CRISPLD1: variants seen among roughly 807,000 people sequenced by gnomAD.
The protein encoded by CRISPLD1 is cysteine-rich secretory protein LCCL domain-containing 1.
In CRISPLD1, 60 loss-of-function variants were observed where a neutral mutation model predicts 77.5. That is an observed-to-expected ratio of 0.77 (90% CI 0.63 to 0.96). CRISPLD1 has a LOEUF of 0.96. Ranked by LOEUF, CRISPLD1 falls within the 40% of genes least tolerant of loss-of-function variation. The pLI, the probability that CRISPLD1 is intolerant of heterozygous loss-of-function variation, is 0.00. For synonymous variants in CRISPLD1, 195 were observed against 200.1 expected, an observed-to-expected ratio of 0.97 and a Z score of 0.22; for missense variants, 623 against 615.8, an observed-to-expected ratio of 1.01 and a Z score of -0.12.
chr8:75,011,200 G>C (rs1263456264), intron 2 of CRISPLD1, among the ~76,000 whole-genome samples: 1 of 150,088 alleles, frequency 6.7e-6, no homozygotes, highest in Non-Finnish European at 1.5e-5. Flanking sequence ...ATGTATACAT[G>C]TGCCATGCTG....
At chr8:75,006,873 A>G (rs937081037) in intron 2 of CRISPLD1, among the ~76,000 whole-genome samples, 2 of 152,128 alleles carry the variant, frequency 1.3e-5, no homozygotes, top group African/African-American at 4.8e-5. Flanking sequence ...TGAAAGTCTG[A>G]TTACACAAAT....
chr8:74,993,991 C>A (rs1433111345), intron 2 of CRISPLD1, among the ~76,000 whole-genome samples: 1 of 152,184 alleles, frequency 6.6e-6, no homozygotes. Context: ...TGCAGATCAT[C>A]GTAAAGACTT....
chr8:75,034,431 T>C lies in CRISPLD1; in HGVS notation c.*2189T>C, dbSNP rs1198831493. On this transcript the variant is annotated 3_prime_UTR_variant, in exon 15 of 15. Coordinates refer to ENST00000262207, the MANE Select transcript of CRISPLD1 (RefSeq NM_031461.6). ...TTATAATCATTTTTGTTATCTAATT[T>C]GGGGAAACTATTCATCTGTCATATA... 6.6e-6 allele frequency: 1 copy of C among 152,074 alleles called. No individual in the cohort carries two copies. The highest frequency in any genetic ancestry group is 1.5e-5 in the Non-Finnish European group (1 of 67,942). 9.4% of individuals were successfully genotyped at this position (152,074 alleles called of 1,614,324 possible).
chr8:74,996,351 A>G (rs1405927962), intron 2 of CRISPLD1, among the ~76,000 whole-genome samples: 1 of 152,194 alleles, frequency 6.6e-6, no homozygotes. Flanking sequence ...ATTTAAATCA[A>G]CAAATATTGA....
At chr8:75,025,456 C>T (rs1168235507) in intron 12 of CRISPLD1, 90 bp from the exon 13 acceptor site, 1 of 407,268 alleles carries the variant, frequency 2.5e-6, no homozygotes, top group Non-Finnish European at 4.1e-6. Flanking sequence ...GTTGAGCTTA[C>T]TTTGTGTATG....
At chr8:75,011,438 C>A (rs1812929526) in intron 2 of CRISPLD1, among the ~76,000 whole-genome samples, 1 of 151,888 alleles carries the variant, frequency 6.6e-6, no homozygotes, top group South Asian at 2.1e-4. Context: ...GTTCCATTCC[C>A]AGATTTGTTT....
At chr8:74,989,309 G>T (rs1042655083) in intron 2 of CRISPLD1, among the ~76,000 whole-genome samples, 89 of 152,044 alleles carry the variant, frequency 5.9e-4, no homozygotes, top group Non-Finnish European at 1.5e-4. Context: ...TTTAATTTGG[G>T]GTAAATGGAG....
chr8:75,013,578 A>T (rs1403704907), intron 4 of CRISPLD1, among the ~76,000 whole-genome samples: 1 of 152,162 alleles, frequency 6.6e-6, no homozygotes, highest in Non-Finnish European at 1.5e-5. Flanking sequence ...CAGTGGCATG[A>T]TGAAAAGATC....
At chr8:74,987,178 A>T (rs1812509849) in intron 2 of CRISPLD1, among the ~76,000 whole-genome samples, 1 of 152,132 alleles carries the variant, frequency 6.6e-6, no homozygotes, top group South Asian at 2.1e-4. Context: ...TGAAGCATGG[A>T]AGTTCTAAGT....
intron 2 of CRISPLD1, among the ~76,000 whole-genome samples, chr8:74,995,908 C>G (rs1387551095): frequency 1.3e-5 from 2 of 152,044 alleles, no homozygotes; most frequent in Non-Finnish European, 2.9e-5. Context: ...TGCTCTCTCA[C>G]ATATTCCTTA....
intron 10 of CRISPLD1, among the ~76,000 whole-genome samples, chr8:75,018,852 A>G (rs1813083964): frequency 6.6e-6 from 1 of 152,174 alleles, no homozygotes; most frequent in East Asian, 1.9e-4. Context: ...TCAGCCTCCC[A>G]TAGTGCCAGG....
chr8:74,989,456 A>G (rs72669293), intron 2 of CRISPLD1, among the ~76,000 whole-genome samples: 20,218 of 151,984 alleles, frequency 0.13, 1,522 homozygotes, highest in African/African-American at 0.21. Flanking sequence ...ATGAACCCTG[A>G]TAGTCAGCAA....
At chr8:75,025,115 G>A (rs1813209101) in intron 12 of CRISPLD1, among the ~76,000 whole-genome samples, 1 of 152,160 alleles carries the variant, frequency 6.6e-6, no homozygotes, top group Admixed American at 6.6e-5. Context: ...ATTTAAAGAT[G>A]ATAATTAAAA....
At chr8:75,021,244 C>T (rs75795856) in intron 12 of CRISPLD1, among the ~76,000 whole-genome samples, 16,050 of 152,130 alleles carry the variant, frequency 0.11, 921 homozygotes, top group South Asian at 0.12. Context: ...AGGTATATAA[C>T]GGAATCTTTA....
rs1281705845 is a variant in CRISPLD1 at position 75,016,671 on chromosome 8, T to A, written c.834T>A (p.Ser278Arg). The A allele has an allele frequency of 3.7e-6, 6 of 1,613,252 alleles. No homozygotes were observed. In the South Asian group the frequency reaches 6.6e-5, roughly 18 times the overall value. Reference sequence around the variant, plus strand: ...ATGTCCGGACAAGATCAGATGATAGTAGCAGAAATGAAGTCATAAGCGCAC... The same window carrying A: ...ATGTCCGGACAAGATCAGATGATAGAAGCAGAAATGAAGTCATAAGCGCAC... ...DTHVRTRSDDSSRNEVISAQQ... is the reference protein window; with the variant it reads ...DTHVRTRSDDRSRNEVISAQQ... Residue 278 changes from serine to arginine, a missense_variant, in exon 7 of 15, where the codon AGT becomes AGA. Physicochemically the swap from Ser to Arg is moderately radical, Grantham distance 110 (BLOSUM62 -1). Transcript: ENST00000262207.
chr8:74,986,779 A>G (rs1236316311), intron 2 of CRISPLD1, among the ~76,000 whole-genome samples: 1 of 152,088 alleles, frequency 6.6e-6, no homozygotes, highest in Non-Finnish European at 1.5e-5. Flanking sequence ...CCTTGGATTT[A>G]TTATTTGTGA....
Position 75,032,318 on chromosome 8 carries a change from TTACTG to T in CRISPLD1, c.*80_*84del. 8.6e-7 allele frequency: 1 copy of T among 1,168,488 alleles called. No homozygotes were observed. The highest frequency in any genetic ancestry group is 1.3e-6 in the Non-Finnish European group (1 of 797,634). The allele number at this position is 1,168,488 out of a possible 1,614,324, so 72.4% of individuals were successfully genotyped here. A position where few individuals can be genotyped will look rare whatever the true frequency, so the allele number is the denominator to read the frequency against. On this transcript the variant is annotated 3_prime_UTR_variant, in exon 15 of 15. Coordinates refer to ENST00000262207, the MANE Select transcript of CRISPLD1 (RefSeq NM_031461.6). ...CTGAATTTTGTATAAAACTGTAACA[TTACTG>T]TACAGAGTACATCAACTATTTTCAG...
chr8:75,022,192 C>G (rs1384847518), intron 12 of CRISPLD1, among the ~76,000 whole-genome samples: 1 of 152,026 alleles, frequency 6.6e-6, no homozygotes, highest in African/African-American at 2.4e-5. Flanking sequence ...ATAGAAATGA[C>G]AATTTATGCA....
Position 75,034,007 on chromosome 8 carries a change from T to A in CRISPLD1, c.*1765T>A, listed in dbSNP as rs138676306. ...GTTCTGTCAGTATAAGGTTTTCTTC[T>A]ATTTGCCCTTAGTTTAGATCTCCAT... On this transcript the variant is annotated 3_prime_UTR_variant, in exon 15 of 15. Coordinates refer to ENST00000262207, the MANE Select transcript of CRISPLD1 (RefSeq NM_031461.6). The A allele has an allele frequency of 5.9e-4, 90 of 152,186 alleles. 1 individual carries two copies. The highest frequency in any genetic ancestry group is 2.0e-3 in the African/African-American group (85 of 41,570). The allele number at this position is 152,186 out of a possible 1,614,324, so 9.4% of individuals were successfully genotyped here.
Sources: allele counts gnomAD v4.1 joint callset (sites outside exome capture counted in the v4.1 genomes callset), GRCh38; gene constraint gnomAD v4.1.1; transcripts MANE v1.5; gene names NCBI Gene and HGNC (gene_info 2026-07-23, HGNC 2026-07-21).